Variants in SRP54 observed in about 807,000 individuals in gnomAD.
The protein encoded by SRP54 is signal recognition particle 54, also known as signal recognition particle subunit SRP54.
SRP54 carries 10 observed loss-of-function variants against 64.8 expected under a neutral mutation model. That is an observed-to-expected ratio of 0.15 (90% CI 0.10 to 0.26). The LOEUF (loss-of-function observed/expected upper bound fraction) is 0.26. Among genes scored for constraint, SRP54 ranks in the 10% least tolerant of loss-of-function variants. The pLI, the probability that SRP54 is intolerant of heterozygous loss-of-function variation, is 1.00. For synonymous variants in SRP54, 193 were observed against 185.6 expected (o/e 1.04, Z -0.32); for missense variants, 325 against 613.7 (o/e 0.53, Z 4.97).
intron 13 of SRP54, among the ~76,000 whole-genome samples, chr14:35,020,153 C>T (rs1331269827): frequency 6.6e-6 from 1 of 151,996 alleles, no homozygotes; most frequent in Non-Finnish European, 1.5e-5. Flanking sequence ...TCATTGCACT[C>T]CAGCCTGGGC....
At chr14:34,984,587 C>T (rs1302944257) in intron 1 of SRP54, among the ~76,000 whole-genome samples, 1 of 152,144 alleles carries the variant, frequency 6.6e-6, no homozygotes, top group African/African-American at 2.4e-5. Flanking sequence ...CTGCAACCTC[C>T]GCCTCCCAGG....
chr14:35,008,581 T>A (rs1244181762), intron 5 of SRP54, 46 bp from the exon 6 acceptor site: 25 of 1,283,210 alleles, frequency 1.9e-5, no homozygotes, highest in Non-Finnish European at 2.5e-5. Context: ...TATGTATAGT[T>A]TGTTATATTT....
At chr14:35,018,635 T>G in intron 11 of SRP54, 57 bp from the exon 12 acceptor site, 2 of 1,361,632 alleles carry the variant, frequency 1.5e-6, no homozygotes, top group Non-Finnish European at 1.0e-6. Flanking sequence ...AAATTAGTTT[T>G]GTTGAATGGA....
intron 4 of SRP54, among the ~76,000 whole-genome samples, chr14:35,002,325 G>A (rs1213728376): frequency 6.6e-6 from 1 of 152,068 alleles, no homozygotes; most frequent in African/African-American, 2.4e-5. Context: ...CTGCACTCCC[G>A]ACTGGGGGAG....
intron 2 of SRP54, among the ~76,000 whole-genome samples, chr14:34,998,804 A>T (rs1426969605): frequency 6.6e-6 from 1 of 150,658 alleles, no homozygotes; most frequent in Non-Finnish European, 1.5e-5. Context: ...CAAGAGCGAA[A>T]CTCTGAAACT....
rs1555354273 is a variant in SRP54 at position 35,007,806 on chromosome 14, A to AGATCT, written c.360+419_360+420insGATCT. On this transcript the variant is annotated intron_variant, in intron 5 of 15. Coordinates refer to ENST00000216774, the MANE Select transcript of SRP54 (RefSeq NM_003136.4). ...TAAAATATATTAATAACATATTAAG[A>AGATCT]TATAAAGCCAGGCTTTATAATATTG... Among the ~76,000 whole-genome samples, 7 of 123,956 alleles carry AGATCT rather than the reference A, an allele frequency of 5.6e-5. 1 individual carries two copies. The highest frequency in any genetic ancestry group is 4.9e-4 in the Admixed American group (6 of 12,228). The allele number at this position is 123,956 out of a possible 152,430, so 81.3% of individuals were successfully genotyped here. A position where few individuals can be genotyped will look rare whatever the true frequency, so the allele number is the denominator to read the frequency against.
intron 7 of SRP54, among the ~76,000 whole-genome samples, chr14:35,010,164 T>A (rs1023837137): frequency 6.6e-6 from 1 of 150,860 alleles, no homozygotes; most frequent in Non-Finnish European, 1.5e-5. Context: ...AAAATTTTTT[T>A]AGGCCGGGCA....
chr14:34,990,421 G>T (rs1451923345), intron 1 of SRP54, among the ~76,000 whole-genome samples: 5 of 151,848 alleles, frequency 3.3e-5, no homozygotes, highest in Non-Finnish European at 7.4e-5. Context: ...CTTTTTTTTG[G>T]CAGGGAACGG....
At chr14:35,023,149 C>A in intron 14 of SRP54, 69 bp downstream of exon 14, 2 of 1,333,716 alleles carry the variant, frequency 1.5e-6, no homozygotes, top group Non-Finnish European at 1.0e-6. Flanking sequence ...AAGAGTGCTG[C>A]CAGTATTGGA....
chr14:35,002,866 C>G (rs898672011), intron 4 of SRP54, among the ~76,000 whole-genome samples: 1 of 151,534 alleles, frequency 6.6e-6, no homozygotes, highest in Non-Finnish European at 1.5e-5. Context: ...GCCTCAGTGC[C>G]CCCCAAGTAG....
chr14:35,002,515 C>T (rs570987394), intron 4 of SRP54, among the ~76,000 whole-genome samples: 1 of 151,912 alleles, frequency 6.6e-6, no homozygotes, highest in Non-Finnish European at 1.5e-5. Flanking sequence ...TCACTGCAAC[C>T]TCTGCCTGCC....
intron 4 of SRP54, among the ~76,000 whole-genome samples, chr14:35,005,503 C>A (rs2044242423): frequency 6.6e-6 from 1 of 152,118 alleles, no homozygotes; most frequent in Non-Finnish European, 1.5e-5. Context: ...CTCAAGCAAT[C>A]TTACTGCCTC....
In SRP54 at chr14:35,013,782, T is replaced by C; in HGVS notation, c.786-20T>C. 10 of 1,588,924 alleles carry C rather than the reference T, an allele frequency of 6.3e-6. No homozygotes were observed. The highest frequency in any genetic ancestry group is 7.7e-6 in the Non-Finnish European group (9 of 1,166,294). ...GTGGGGTTCTTTTGAGGTTATTTTA[T>C]ATTTTCTTTTTTTTTCCAGAGTCGC... On this transcript the variant is annotated intron_variant, in intron 9 of 15. Transcript: ENST00000216774.
In SRP54 at chr14:35,023,787, A is replaced by AACACACACACACACAC. The variant is rs57037784; in HGVS notation, c.1327+728_1327+743dup. On this transcript the variant is annotated intron_variant, in intron 14 of 15. Coordinates refer to ENST00000216774, the MANE Select transcript of SRP54 (RefSeq NM_003136.4). ...CAGCAGAGTGAGACTCCGGTCCCCAAACACACACACACACACACACACACA... is the reference window on the plus strand; with the variant it reads ...CAGCAGAGTGAGACTCCGGTCCCCAAACACACACACACACACACACACACACACACACACACACACA... Among the ~76,000 whole-genome samples the AACACACACACACACAC allele has an allele frequency of 2.7e-3, 373 of 140,350 alleles. 3 individuals are homozygous for AACACACACACACACAC. Among genetic ancestry groups the AACACACACACACACAC allele is most frequent in the African/African-American group, 9.3e-3 (349 of 37,638 alleles). The allele number at this position is 140,350 out of a possible 152,430, so 92.1% of individuals were successfully genotyped here. A position where few individuals can be genotyped will look rare whatever the true frequency, so the allele number is the denominator to read the frequency against.
At chr14:34,994,034 G>T (rs1270308854) in intron 1 of SRP54, among the ~76,000 whole-genome samples, 1 of 151,140 alleles carries the variant, frequency 6.6e-6, no homozygotes, top group Non-Finnish European at 1.5e-5. Flanking sequence ...CTCTCTTGTT[G>T]CCCAGGCTGA....
Position 35,029,190 on chromosome 14 carries a change from C to G in SRP54, c.*38C>G. 1.3e-6 allele frequency: 2 copies of G among 1,547,876 alleles called. No individual in the cohort carries two copies. Among genetic ancestry groups the G allele is most frequent in the Non-Finnish European group, 1.8e-6 (2 of 1,127,764 alleles). On this transcript the variant is annotated 3_prime_UTR_variant, in exon 16 of 16. Coordinates refer to ENST00000216774, the MANE Select transcript of SRP54 (RefSeq NM_003136.4). ...AATATAAACTGACTCAGTTGAATAC[C>G]TAATTTGCTGAGACCTCAGCGTTTC...
chr14:35,014,730 T>TA lies in SRP54; in HGVS notation c.887-14_887-13insA. On this transcript the variant is annotated splice_polypyrimidine_tract_variant and intron_variant, in intron 10 of 15. Transcript: ENST00000216774. ...TAGTATTAGTTGTTAATTTTTCTTT[T>TA]TTGTATCTTATAGGTATGGGCGACA... The TA allele has an allele frequency of 6.2e-7, 1 of 1,607,048 alleles. No homozygotes were observed. Among genetic ancestry groups the TA allele is most frequent in the Non-Finnish European group, 8.5e-7 (1 of 1,176,534 alleles).
chr14:35,020,439 C>A (rs1191899754), intron 13 of SRP54, among the ~76,000 whole-genome samples: 1 of 152,220 alleles, frequency 6.6e-6, no homozygotes, highest in Non-Finnish European at 1.5e-5. Flanking sequence ...TGTTCGATAG[C>A]ATTTTACCCA....
intron 14 of SRP54, among the ~76,000 whole-genome samples, chr14:35,026,578 A>G (rs955339816): frequency 2.0e-5 from 3 of 152,114 alleles, no homozygotes; most frequent in Non-Finnish European, 4.4e-5. Flanking sequence ...GTGTTTTGAC[A>G]TAGTGTAGAA....
Sources: allele counts gnomAD v4.1 joint callset (sites outside exome capture counted in the v4.1 genomes callset), GRCh38; gene constraint gnomAD v4.1.1; transcripts MANE v1.5; gene names NCBI Gene and HGNC (gene_info 2026-07-23, HGNC 2026-07-21).